Variants in KCNQ1 observed in about 807,000 individuals in gnomAD.
KCNQ1 encodes potassium voltage-gated channel subfamily KQT member 1.
Under a neutral mutation model 72.4 loss-of-function variants are expected in KCNQ1, and 49 were observed. The ratio of observed to expected loss-of-function variants is 0.68; its 90% CI spans 0.54 to 0.86. KCNQ1 has a LOEUF of 0.86. Among genes scored for constraint, KCNQ1 ranks in the 40% least tolerant of loss-of-function variants. The pLI is 0.00. For synonymous variants in KCNQ1, 450 were observed against 412.6 expected, an observed-to-expected ratio of 1.09 and a Z score of -1.10; for missense variants, 790 against 945.1, an observed-to-expected ratio of 0.84 and a Z score of 2.15.
chr11:2,825,543 C>T (rs373366827), intron 15 of KCNQ1, among the ~76,000 whole-genome samples: 1 of 152,360 alleles, frequency 6.6e-6, no homozygotes, highest in South Asian at 2.1e-4. Context: ...ACCCTGGACG[C>T]TTCCTTCTTT....
intron 4 of KCNQ1, 122 bp from the exon 5 acceptor site, chr11:2,571,891 C>A: frequency 2.5e-6 from 2 of 789,218 alleles, no homozygotes; most frequent in Non-Finnish European, 2.2e-6. Context: ...AGCCTCCCCA[C>A]CCAGAGTGGA....
Position 2,824,261 on chromosome 11 carries a change from C to T in KCNQ1, c.1795-23506C>T, listed in dbSNP as rs528102458. Among the ~76,000 whole-genome samples, 17 of 152,172 alleles carry T rather than the reference C, an allele frequency of 1.1e-4. No homozygotes were observed. The highest frequency in any genetic ancestry group is 2.1e-4 in the South Asian group (1 of 4,816). On this transcript the variant is annotated intron_variant, in intron 15 of 15. Transcript: ENST00000155840. The surrounding 1 kb of genome is among the most constrained non-coding windows in gnomAD (Gnocchi z 5.9). Reference sequence around the variant, plus strand: ...AGAGGGGAGGTGGGTGAGGAGGCTACGCAGAGGCCCTGGGAGGAGGGAGGC... The same window carrying T: ...AGAGGGGAGGTGGGTGAGGAGGCTATGCAGAGGCCCTGGGAGGAGGGAGGC...
chr11:2,742,311 A>G (rs1304328361), intron 11 of KCNQ1, among the ~76,000 whole-genome samples: 1 of 152,138 alleles, frequency 6.6e-6, no homozygotes, highest in East Asian at 1.9e-4. Flanking sequence ...GTGCCCCAAG[A>G]TCAGATACAT....
At chr11:2,454,458 C>T (rs1054610483) in intron 1 of KCNQ1, among the ~76,000 whole-genome samples, 1 of 152,146 alleles carries the variant, frequency 6.6e-6, no homozygotes, top group Non-Finnish European at 1.5e-5. Context: ...CCCAGAAGGA[C>T]TGATTTCAGG....
intron 11 of KCNQ1, among the ~76,000 whole-genome samples, chr11:2,754,009 C>T (rs965862121): frequency 6.6e-6 from 1 of 152,176 alleles, no homozygotes; most frequent in African/African-American, 2.4e-5. Flanking sequence ...AGGACTTGAG[C>T]AGACATTTCT....
intron 10 of KCNQ1, chr11:2,649,343 C>T: frequency 2.3e-5 from 9 of 397,988 alleles, no homozygotes; most frequent in Non-Finnish European, 4.0e-5. Flanking sequence ...TCTTTTATTC[C>T]TTTTCCTTTC....
chr11:2,640,872 C>T (rs1429787274), intron 10 of KCNQ1: 1 of 399,578 alleles, frequency 2.5e-6, no homozygotes, highest in Non-Finnish European at 4.4e-6. Flanking sequence ...CTTCTACTCT[C>T]TACCTCCATG....
intron 11 of KCNQ1, chr11:2,699,237 G>T (rs1419645954): frequency 2.5e-6 from 1 of 398,676 alleles, no homozygotes; most frequent in East Asian, 3.6e-5. Flanking sequence ...TGGCCACGCT[G>T]TCCATAAGGT....
At chr11:2,524,573 A>G (rs1164397630) in intron 1 of KCNQ1, among the ~76,000 whole-genome samples, 1 of 152,172 alleles carries the variant, frequency 6.6e-6, no homozygotes, top group African/African-American at 2.4e-5. Flanking sequence ...CCCCAGGAGC[A>G]CTTCCTGTTG....
rs1184383092 is a variant in KCNQ1, at chr11:2,599,245, A to G, written c.1393+10391A>G. Among the ~76,000 whole-genome samples, 10 of 152,160 alleles carry G rather than the reference A, an allele frequency of 6.6e-5. No homozygotes were observed. Among genetic ancestry groups the G allele is most frequent in the African/African-American group, 2.4e-4 (10 of 41,428 alleles). Reference sequence around the variant, plus strand: ...ATGAAGGCATTATCATTGTTTTCCAAACTCACGGGATCATATCATACCTGC... The same window carrying G: ...ATGAAGGCATTATCATTGTTTTCCAGACTCACGGGATCATATCATACCTGC... On this transcript the variant is annotated intron_variant, in intron 10 of 15. Coordinates refer to ENST00000155840, the MANE Select transcript of KCNQ1 (RefSeq NM_000218.3). The surrounding 1 kb of genome is among the most constrained non-coding windows in gnomAD (Gnocchi z 4.7).
At position 2,508,243 on chromosome 11, in the gene KCNQ1, A is replaced by G. The variant is rs1847137498; in HGVS notation, c.387-19685A>G. 1.3e-5 allele frequency among the ~76,000 whole-genome samples: 2 copies of G among 152,306 alleles called. No homozygotes were observed. The highest frequency in any genetic ancestry group is 4.1e-4 in the South Asian group (2 of 4,824). ...CCTCCACCAACCCATGGTGGTCACC[A>G]AGGGTCTTTGGGCTCCTGTGGGGAC... On this transcript the variant is annotated intron_variant, in intron 1 of 15. Transcript: ENST00000155840. This position sits in a 1 kb window ranked among gnomAD's most constrained non-coding sequence, Gnocchi z 6.2.
chr11:2,647,986 G>A lies in KCNQ1; in HGVS notation c.1394-13975G>A, dbSNP rs538375624. On this transcript the variant is annotated intron_variant, in intron 10 of 15. Coordinates refer to ENST00000155840, the MANE Select transcript of KCNQ1 (RefSeq NM_000218.3). This position sits in a 1 kb window ranked among gnomAD's most constrained non-coding sequence, Gnocchi z 4.0. ...CCCAGTACTTTGGAAGGCCAAGGCA[G>A]GCCGATCGCTTGAGTCCAGGAGTTT... The A allele has an allele frequency of 2.3e-5, 9 of 397,746 alleles. No homozygotes were observed. Among genetic ancestry groups the A allele is most frequent in the Middle Eastern group, 1.3e-3 (2 of 1,588 alleles). 24.6% of individuals were successfully genotyped at this position (397,746 alleles called of 1,614,324 possible).
rs984795880 is a variant in KCNQ1, at chr11:2,507,748, G to A, written c.387-20180G>A. On this transcript the variant is annotated intron_variant, in intron 1 of 15. Coordinates refer to ENST00000155840, the MANE Select transcript of KCNQ1 (RefSeq NM_000218.3). The surrounding 1 kb of genome is among the most constrained non-coding windows in gnomAD (Gnocchi z 5.4). ...GTGTCAGTGTGTAAATGACATGAGCGCAGGGGCTAGACAGGGCCTCCTGTA... is the reference window on the plus strand; with the variant it reads ...GTGTCAGTGTGTAAATGACATGAGCACAGGGGCTAGACAGGGCCTCCTGTA... Among the ~76,000 whole-genome samples, 6 of 152,088 alleles carry A rather than the reference G, an allele frequency of 3.9e-5. No homozygotes were observed. Among genetic ancestry groups the A allele is most frequent in the East Asian group, 3.9e-4 (2 of 5,168 alleles).
chr11:2,730,174 G>A (rs1845829277), intron 11 of KCNQ1, among the ~76,000 whole-genome samples: 1 of 152,228 alleles, frequency 6.6e-6, no homozygotes, highest in Non-Finnish European at 1.5e-5. Flanking sequence ...TGGCAGACCA[G>A]GAGGGAGGCC....
Position 2,782,999 on chromosome 11 carries a change from A to T in KCNQ1, c.1794+4962A>T, listed in dbSNP as rs1846849588. 6.6e-6 allele frequency among the ~76,000 whole-genome samples: 1 copy of T among 152,138 alleles called. No homozygotes were observed. The highest frequency in any genetic ancestry group is 6.5e-5 in the Admixed American group (1 of 15,270). On this transcript the variant is annotated intron_variant, in intron 15 of 15. Coordinates refer to ENST00000155840, the MANE Select transcript of KCNQ1 (RefSeq NM_000218.3). This position sits in a 1 kb window ranked among gnomAD's most constrained non-coding sequence, Gnocchi z 6.1. ...CTAACCTCTCTAAATTAAGAAGAGG[A>T]TAATTCTTAATTTTCAGGCTTCCTA...
rs2133804257 is a variant in KCNQ1, at chr11:2,620,992, T to C, written c.1393+32138T>C. The stretch of plus-strand genomic sequence containing the variant: ...TTGCTTTTTTGTTTGTTTGTTTGTT[T>C]TTTGAGAAAGAGTCTTGCTCTGTCT... On this transcript the variant is annotated intron_variant, in intron 10 of 15. Transcript: ENST00000155840. The surrounding 1 kb of genome is among the most constrained non-coding windows in gnomAD (Gnocchi z 4.5). 1 of 397,856 alleles carries C rather than the reference T, an allele frequency of 2.5e-6. No homozygotes were observed. The highest frequency in any genetic ancestry group is 3.6e-5 in the East Asian group (1 of 28,058). The allele number at this position is 397,856 out of a possible 1,614,324, so 24.6% of individuals were successfully genotyped here.
intron 1 of KCNQ1, among the ~76,000 whole-genome samples, chr11:2,480,175 C>T (rs1172494446): frequency 6.6e-6 from 1 of 152,160 alleles, no homozygotes; most frequent in African/African-American, 2.4e-5. Context: ...CTGAGCCCTC[C>T]AAACTGTCCA....
rs149197338 is a variant in KCNQ1 at position 2,463,015 on chromosome 11, C to T, written c.386+17531C>T. On this transcript the variant is annotated intron_variant, in intron 1 of 15. Transcript: ENST00000155840. The surrounding 1 kb of genome is among the most constrained non-coding windows in gnomAD (Gnocchi z 7.0). ...CCTGAACTGGTAAGCGGGGCAGCGG[C>T]GGCAGGGGGCCCAGGGAAGTGGGGC... 3.9e-5 allele frequency among the ~76,000 whole-genome samples: 6 copies of T among 152,072 alleles called. No individual in the cohort carries two copies. Among genetic ancestry groups the T allele is most frequent in the Admixed American group, 6.5e-5 (1 of 15,284 alleles).
chr11:2,788,639 C>A (rs970154512), intron 15 of KCNQ1, among the ~76,000 whole-genome samples: 1 of 151,092 alleles, frequency 6.6e-6, no homozygotes, highest in Non-Finnish European at 1.5e-5. Context: ...AAGGCGGGGG[C>A]TCTGACTGAT....
Sources: allele counts gnomAD v4.1 joint callset (sites outside exome capture counted in the v4.1 genomes callset), GRCh38; gene constraint gnomAD v4.1.1; non-coding constraint Gnocchi (gnomAD v3.1); transcripts MANE v1.5; gene names NCBI Gene and HGNC (gene_info 2026-07-23, HGNC 2026-07-21).